The following YBX3 variants were observed in gnomAD, a reference collection of about 807,000 sequenced individuals.
YBX3 encodes Y-box binding protein 3.
A neutral mutation model predicts 42.4 loss-of-function variants in YBX3; 29 were observed. That is an observed-to-expected ratio of 0.68 (90% confidence interval 0.51 to 0.93). The LOEUF is 0.93. Among genes scored for constraint, YBX3 ranks in the 40% least tolerant of loss-of-function variants. The pLI, the probability that YBX3 is intolerant of heterozygous loss-of-function variation, is 0.00. For missense variants in YBX3, 517 were observed against 527.5 expected (o/e 0.98, Z 0.19); for synonymous variants, 195 against 189.8 (o/e 1.03, Z -0.22).
Position 10,723,310 on chromosome 12 carries a change from C to T in YBX3, c.-199G>A. The T allele has an allele frequency of 1.1e-6, 1 of 883,568 alleles. No individual in the cohort carries two copies. The allele number at this position is 883,568 out of a possible 1,614,324, so 54.7% of individuals were successfully genotyped here. A position where few individuals can be genotyped will look rare whatever the true frequency, so the allele number is the denominator to read the frequency against. Reference sequence around the variant, plus strand: ...GCTGCGCGCTCTCTCTTGGGCTCCTCGCTCGATCTTACTGCCCCAAAAATG... The same window carrying T: ...GCTGCGCGCTCTCTCTTGGGCTCCTTGCTCGATCTTACTGCCCCAAAAATG... On this transcript the variant is annotated 5_prime_UTR_variant, in exon 1 of 10. Transcript: ENST00000228251.
chr12:10,710,241 G>A (rs1948185578), intron 5 of YBX3, 127 bp from the exon 6 acceptor site: 4 of 1,528,668 alleles, frequency 2.6e-6, no homozygotes, highest in Non-Finnish European at 3.5e-6. Flanking sequence ...CCATTATACA[G>A]ACAAAATGCA....
chr12:10,701,027 C>T (rs1345686476), intron 9 of YBX3, among the ~76,000 whole-genome samples: 1 of 152,132 alleles, frequency 6.6e-6, no homozygotes, highest in Admixed American at 6.5e-5. Flanking sequence ...AGTTGAGTAT[C>T]ATCAACTCTG....
chr12:10,715,666 T>C, intron 4 of YBX3, 28 bp downstream of exon 4: 2 of 1,593,964 alleles, frequency 1.3e-6, no homozygotes, highest in Non-Finnish European at 1.7e-6. Flanking sequence ...TGCCAGCACT[T>C]TGATACCCAA....
At position 10,701,997 on chromosome 12, in the gene YBX3, G is replaced by A. The variant is rs370717351; in HGVS notation, c.1016C>T (p.Pro339Leu). Residue 339 changes from proline to leucine, a missense_variant, in exon 8 of 10, where the codon CCG (proline) becomes CTG (leucine). By Grantham distance (98) the Pro-to-Leu change is moderately conservative. Around this residue, in one of 3 missense-constraint regions of YBX3, gnomAD observed 420 missense variants for 408.5 expected, o/e 1.03. Transcript: ENST00000228251. The part of the protein sequence containing the change: ...YRRPYNYRRR[P>L]RPPNAPSQDG... ...TTGTGAAGGAGCGTTAGGAGGACGC[G>A]GGCGACGCCGGTAATTGTAGGGACG... is the stretch of plus-strand genomic sequence containing the variant. 3.2e-5 allele frequency: 52 copies of A among 1,613,822 alleles called. No individual in the cohort carries two copies. The highest frequency in any genetic ancestry group is 2.5e-4 in the African/African-American group (19 of 75,020).
chr12:10,702,092 C>T lies in YBX3; in HGVS notation c.921G>A (p.Glu307=), dbSNP rs778253043. ...PRPRPAPAVG[E]AEDKENQQAT... ...CTTGCTGATTTTCTTTATCTTCAGC[C>T]TCTCCAACTGCTGGGGCAGGTCGTG... Residue 307 remains glutamate, a synonymous_variant, in exon 8 of 10, where the codon GAG becomes GAA. Transcript: ENST00000228251. 11 of 1,613,998 alleles carry T rather than the reference C, an allele frequency of 6.8e-6. No homozygotes were observed. The highest frequency in any genetic ancestry group is 2.2e-5 in the South Asian group (2 of 91,062).
At chr12:10,705,028 T>TTA (rs1199280288) in intron 6 of YBX3, among the ~76,000 whole-genome samples, 1 of 152,204 alleles carries the variant, frequency 6.6e-6, no homozygotes, top group Non-Finnish European at 1.5e-5. Context: ...ATGATGCCCT[T>TTA]TATAGCAAAA....
Position 10,713,281 on chromosome 12 carries a change from C to A in YBX3, c.503G>T (p.Ser168Ile), listed in dbSNP as rs766561654. 1 of 1,614,120 alleles carries A rather than the reference C, an allele frequency of 6.2e-7. No individual in the cohort carries two copies. Among genetic ancestry groups the A allele is most frequent in the East Asian group, 2.2e-5 (1 of 44,872 alleles). The change falls in exon 5 of 10, where the codon AGT becomes ATT. Residue 168 changes from serine (S) to isoleucine (I), a missense_variant. Ser to Ile is a moderately radical substitution (Grantham distance 142). Around this residue, in one of 3 missense-constraint regions of YBX3, gnomAD observed 420 missense variants for 408.5 expected, o/e 1.03. Transcript: ENST00000228251. Reference protein sequence around the residue: ...TGPDGVPVEGSRYAADRRRYR... With the variant: ...TGPDGVPVEGIRYAADRRRYR... ...ACGGCGCCGATCTGCAGCGTAACGACTCCCTTCCACAGGAACTCCATCCGG... is the reference window on the plus strand; with the variant it reads ...ACGGCGCCGATCTGCAGCGTAACGAATCCCTTCCACAGGAACTCCATCCGG...
chr12:10,706,222 C>T (rs946021236), intron 6 of YBX3, among the ~76,000 whole-genome samples: 5 of 152,138 alleles, frequency 3.3e-5, no homozygotes, highest in Non-Finnish European at 7.3e-5. Flanking sequence ...GGTGAGGTAA[C>T]GGGTAAGGGA....
intron 3 of YBX3, 141 bp downstream of exon 3, chr12:10,717,947 T>G: frequency 1.7e-6 from 1 of 597,730 alleles, no homozygotes; most frequent in Non-Finnish European, 2.7e-6. Flanking sequence ...AATGTGGAAC[T>G]GAACTCCTGT....
chr12:10,701,961 T>A lies in YBX3; in HGVS notation c.1052A>T (p.Glu351Val). The A allele has an allele frequency of 6.2e-7, 1 of 1,611,986 alleles. No homozygotes were observed. Among genetic ancestry groups the A allele is most frequent in the Non-Finnish European group, 8.5e-7 (1 of 1,179,154 alleles). The change falls in exon 8 of 10, where the codon GAG (glutamate) becomes GTG (valine). Residue 351 changes from glutamate to valine, a missense_variant and splice_region_variant. Coordinates refer to ENST00000228251, the MANE Select transcript of YBX3 (RefSeq NM_003651.5). ...TCCGCCCTGACTGGTTGGATTTACC[T>A]CTTTGCCATCTTGTGAAGGAGCGTT... ...PPNAPSQDGK[E>V]AKAGEAPTEN...
chr12:10,718,728 C>A (rs1948291693), intron 2 of YBX3, among the ~76,000 whole-genome samples: 1 of 152,188 alleles, frequency 6.6e-6, no homozygotes, highest in Non-Finnish European at 1.5e-5. Flanking sequence ...CAATGACTCA[C>A]TAGTTGGGTG....
intron 3 of YBX3, chr12:10,717,823 G>A (rs1425198762): frequency 6.6e-6 from 2 of 300,982 alleles, no homozygotes. Context: ...GGACTCAAAG[G>A]CTTTAAAAAT....
At chr12:10,704,234 A>G (rs1167711635) in intron 6 of YBX3, 86 bp from the exon 7 acceptor site, 2 of 1,146,770 alleles carry the variant, frequency 1.7e-6, no homozygotes, top group Non-Finnish European at 2.5e-6. Flanking sequence ...AATTTTTTTT[A>G]GAAGTAAAAA....
chr12:10,708,726 G>A (rs1948165568), intron 6 of YBX3, among the ~76,000 whole-genome samples: 1 of 152,210 alleles, frequency 6.6e-6, no homozygotes, highest in Admixed American at 6.5e-5. Flanking sequence ...TGCATATGAT[G>A]TTTTACGTGG....
At chr12:10,712,394 C>G (rs1321667829) in intron 5 of YBX3, 5 of 152,148 alleles carry the variant, frequency 3.3e-5, no homozygotes, top group Non-Finnish European at 2.9e-5. Context: ...CAAGAAAGCT[C>G]CAGCCAGATT....
chr12:10,716,782 C>T (rs1948267669), intron 3 of YBX3, among the ~76,000 whole-genome samples: 1 of 152,190 alleles, frequency 6.6e-6, no homozygotes, highest in South Asian at 2.1e-4. Flanking sequence ...AAAGGCAGTT[C>T]AGGACAGGCA....
rs528999914 is a variant in YBX3, at chr12:10,703,949, T to C, written c.878+102A>G. The C allele has an allele frequency of 9.0e-6, 10 of 1,114,088 alleles. No individual in the cohort carries two copies. The Admixed American group carries it at 1.7e-4, about 19-fold the overall frequency. The allele number at this position is 1,114,088 out of a possible 1,614,324, so 69.0% of individuals were successfully genotyped here. On this transcript the variant is annotated intron_variant, in intron 7 of 9. Transcript: ENST00000228251. ...GCATGTAGTCAAAGCATTCACATCT[T>C]CTAGATATATAATAAATCCACAAAA...
At chr12:10,704,605 CT>C (rs1294223862) in intron 6 of YBX3, among the ~76,000 whole-genome samples, 5 of 150,600 alleles carry the variant, frequency 3.3e-5, no homozygotes, top group Admixed American at 1.3e-4. Context: ...CATAACTCAA[CT>C]TTCTTTTCTT....
Position 10,710,077 on chromosome 12 carries a change from C to G in YBX3, c.611G>C (p.Ser204Thr). ...AGTGGCAGGGGGGTCAAATCCTTCA[C>G]TGCTGCCGCTCCCTTCCTCCTCCTC... ...GEEEEEGSGS[S>T]EGFDPPATDR... is the part of the protein sequence containing the mutation. Residue 204 changes from serine to threonine, a missense_variant, in exon 6 of 10, where the codon AGT becomes ACT. Physicochemically the swap from Ser to Thr is moderately conservative, Grantham distance 58. Around this residue, in one of 3 missense-constraint regions of YBX3, gnomAD observed 420 missense variants for 408.5 expected, o/e 1.03. Coordinates refer to ENST00000228251, the MANE Select transcript of YBX3 (RefSeq NM_003651.5). The G allele has an allele frequency of 6.2e-6, 10 of 1,613,990 alleles. No individual in the cohort carries two copies. The highest frequency in any genetic ancestry group is 8.5e-6 in the Non-Finnish European group (10 of 1,179,990).
Sources: allele counts gnomAD v4.1 joint callset (sites outside exome capture counted in the v4.1 genomes callset), GRCh38; gene constraint gnomAD v4.1.1; regional missense constraint gnomAD v4.1.1; transcripts MANE v1.5; gene names NCBI Gene and HGNC (gene_info 2026-07-23, HGNC 2026-07-21).